The following XAGE3 variants were observed in gnomAD, a reference collection of about 807,000 sequenced individuals.
The protein encoded by XAGE3 is X antigen family member 3, also known as CT12.3.
In XAGE3, 6 loss-of-function variants were observed where a neutral mutation model predicts 9.2. That is an observed-to-expected ratio of 0.65 (90% CI 0.36 to 1.29). The LOEUF is 1.29. Among genes scored for constraint, XAGE3 ranks in the 50% most tolerant of loss-of-function variants. The pLI is 0.03. For missense variants in XAGE3, 70 were observed against 82.8 expected (o/e 0.85, Z 0.60); for synonymous variants, 26 against 28.2 (o/e 0.92, Z 0.25).
Position 52,867,161 on chromosome X carries a change from A to C in XAGE3, c.-8-20T>G. ...TTCACACTGCAAACAGAATACTGTGAATTGGTAAATGCACTTGAAAAGACA... is the reference window on the plus strand; with the variant it reads ...TTCACACTGCAAACAGAATACTGTGCATTGGTAAATGCACTTGAAAAGACA... On this transcript the variant is annotated intron_variant, in intron 1 of 4. Coordinates refer to ENST00000346279, the MANE Select transcript of XAGE3 (RefSeq NM_133179.3). The C allele has an allele frequency of 8.7e-7, 1 of 1,149,339 alleles. No individual in the cohort carries two copies. The allele number at this position is 1,149,339 out of a possible 1,213,427, so 94.7% of individuals were successfully genotyped here.
chrX:52,864,705 A>G, intron 4 of XAGE3, 70 bp downstream of exon 4: 1 of 1,169,219 alleles, frequency 8.6e-7, no homozygotes, highest in South Asian at 1.8e-5. Flanking sequence ...AAGGGATAGT[A>G]ATGTTCTCTT....
rs782740780 is a variant in XAGE3, at chrX:52,866,551, G to A, written c.82-13C>T. On this transcript the variant is annotated splice_polypyrimidine_tract_variant and intron_variant, in intron 2 of 4. Coordinates refer to ENST00000346279, the MANE Select transcript of XAGE3 (RefSeq NM_133179.3). Reference sequence around the variant, plus strand: ...CATCACCGGGCTCCTGGAACCAGGGGTGTGTGTGTGTGTGTGTGTGTGTGC... The same window carrying A: ...CATCACCGGGCTCCTGGAACCAGGGATGTGTGTGTGTGTGTGTGTGTGTGC... 3.0e-6 allele frequency: 2 copies of A among 673,653 alleles called. No homozygotes were observed. Among genetic ancestry groups the A allele is most frequent in the Non-Finnish European group, 3.9e-6 (2 of 510,041 alleles). The allele number at this position is 673,653 out of a possible 1,213,427, so 55.5% of individuals were successfully genotyped here.
chrX:52,864,486 T>C (rs1218375875), intron 4 of XAGE3, among the ~76,000 whole-genome samples: 1 of 112,540 alleles, frequency 8.9e-6, no homozygotes, highest in Non-Finnish European at 1.9e-5. Flanking sequence ...AAATGCATTA[T>C]GTATTTGTTA....
At position 52,864,891 on chromosome X, in the gene XAGE3, A is replaced by C. The variant is rs781869181; in HGVS notation, c.197T>G (p.Leu66Arg). 6 of 1,210,953 alleles carry C rather than the reference A, an allele frequency of 5.0e-6. No homozygotes were observed. The highest frequency in any genetic ancestry group is 6.7e-6 in the Non-Finnish European group (6 of 895,151). ...QGAAETQVPDLEADLQELSQS... is the reference protein window; with the variant it reads ...QGAAETQVPDREADLQELSQS... ...AGACAGCTCCTGGAGATCAGCTTCCAGGTCAGGCACTAAAAAATACAAAGG... is the reference window on the plus strand; with the variant it reads ...AGACAGCTCCTGGAGATCAGCTTCCCGGTCAGGCACTAAAAAATACAAAGG... Residue 66 changes from leucine to arginine, a missense_variant, in exon 4 of 5, where the codon CTG (leucine) becomes CGG (arginine). Leu to Arg is a moderately radical substitution (Grantham distance 102, BLOSUM62 -2). Transcript: ENST00000346279.
rs376187592 is a variant in XAGE3 at position 52,866,086 on chromosome X, T to C, written c.187+347A>G. 3.1e-3 allele frequency among the ~76,000 whole-genome samples: 342 copies of C among 111,742 alleles called. 5 individuals carry two copies. Among genetic ancestry groups the C allele is most frequent in the South Asian group, 0.016 (44 of 2,680 alleles). On this transcript the variant is annotated intron_variant, in intron 3 of 4. Transcript: ENST00000346279. ...ACATGCTATTAAAGGGTGCATACAA[T>C]ACTGTGGACACCTTGGCTGAGAAGA... is the stretch of plus-strand genomic sequence containing the variant.
chrX:52,866,388 C>T, intron 3 of XAGE3, 45 bp downstream of exon 3: 1 of 1,109,281 alleles, frequency 9.0e-7, no homozygotes, highest in Non-Finnish European at 1.2e-6. Flanking sequence ...CACACATAGG[C>T]CTCCTCCCCT....
intron 4 of XAGE3, among the ~76,000 whole-genome samples, chrX:52,864,563 T>C (rs1400567553): frequency 8.9e-6 from 1 of 112,252 alleles, no homozygotes; most frequent in Non-Finnish European, 1.9e-5. Context: ...AAGAATATGC[T>C]TTCATATTTG....
At chrX:52,863,307 T>C (rs1296137009) in intron 4 of XAGE3, among the ~76,000 whole-genome samples, 1 of 112,070 alleles carries the variant, frequency 8.9e-6, no homozygotes, top group Non-Finnish European at 1.9e-5. Flanking sequence ...AGTATTCCCA[T>C]TGGTAAAATA....
chrX:52,867,282 T>A (rs1459707806), intron 1 of XAGE3, 141 bp from the exon 2 acceptor site: 2 of 506,637 alleles, frequency 3.9e-6, no homozygotes, highest in African/African-American at 4.8e-5. Context: ...AGTGTAAGTA[T>A]GTGTGCCTTC....
Position 52,862,605 on chromosome X carries a change from A to C in XAGE3, c.*13T>G, listed in dbSNP as rs782575405. The C allele has an allele frequency of 3.3e-6, 4 of 1,209,742 alleles. No individual in the cohort carries two copies. The highest frequency in any genetic ancestry group is 1.7e-5 in the African/African-American group (1 of 57,689). Reference sequence around the variant, plus strand: ...GATAAAAACAGTTTTGTGTTGTTTCAGCTTGTCTTCATTTAAACCTGTGGT... The same window carrying C: ...GATAAAAACAGTTTTGTGTTGTTTCCGCTTGTCTTCATTTAAACCTGTGGT... On this transcript the variant is annotated 3_prime_UTR_variant, in exon 5 of 5. Transcript: ENST00000346279.
chrX:52,864,182 C>T (rs1242446501), intron 4 of XAGE3, among the ~76,000 whole-genome samples: 1 of 112,209 alleles, frequency 8.9e-6, no homozygotes, highest in African/African-American at 3.2e-5. Flanking sequence ...AAGCAAGTTG[C>T]CCACTCATTT....
chrX:52,862,556 G>T lies in XAGE3; in HGVS notation c.*62C>A, dbSNP rs1280034185. The T allele has an allele frequency of 1.7e-6, 2 of 1,182,500 alleles. No individual in the cohort carries two copies. The highest frequency in any genetic ancestry group is 3.0e-5 in the East Asian group (1 of 33,616). On this transcript the variant is annotated 3_prime_UTR_variant, in exon 5 of 5. Coordinates refer to ENST00000346279, the MANE Select transcript of XAGE3 (RefSeq NM_133179.3). ...GGAGAAAGCTGCAAAAGTTTATTTC[G>T]ATATTTTTAAGTCAAATATCTTAGA...
chrX:52,864,027 A>G (rs1556784083), intron 4 of XAGE3, among the ~76,000 whole-genome samples: 4 of 112,173 alleles, frequency 3.6e-5, no homozygotes, highest in Non-Finnish European at 3.8e-5. Context: ...TTTCATGTAA[A>G]TAGTCTAATG....
rs373364840 is a variant in XAGE3 at position 52,864,833 on chromosome X, A to T, written c.255T>A (p.Gly85=). 7.4e-6 allele frequency: 9 copies of T among 1,211,514 alleles called. No individual in the cohort carries two copies. The highest frequency in any genetic ancestry group is 8.9e-6 in the Non-Finnish European group (8 of 895,080). Residue 85 remains glycine, a synonymous_variant, in exon 4 of 5, where the codon GGT becomes GGA. Coordinates refer to ENST00000346279, the MANE Select transcript of XAGE3 (RefSeq NM_133179.3). ...GCAGAATCTTCCCCTGGTCATCAGGACCATTTCCACATTCACCCCCAGTCT... is the reference window on the plus strand; with the variant it reads ...GCAGAATCTTCCCCTGGTCATCAGGTCCATTTCCACATTCACCCCCAGTCT... ...QSKTGGECGN[G]PDDQGKILPK...
chrX:52,867,182 A>T, intron 1 of XAGE3, 41 bp from the exon 2 acceptor site: 1 of 1,093,908 alleles, frequency 9.1e-7, no homozygotes, highest in African/African-American at 1.8e-5. Context: ...GCACTTGAAA[A>T]GACAGCTATA....
At chrX:52,865,236 A>G (rs1219074731) in intron 3 of XAGE3, among the ~76,000 whole-genome samples, 2 of 111,837 alleles carry the variant, frequency 1.8e-5, no homozygotes, top group African/African-American at 6.5e-5. Context: ...TTAGATGAAT[A>G]TATTGGTGAG....
At position 52,866,550 on chromosome X, in the gene XAGE3, GGTGTGTGTGTGT is replaced by G; in HGVS notation, c.82-24_82-13del. The G allele has an allele frequency of 8.7e-7, 1 of 1,148,477 alleles. No individual in the cohort carries two copies. The highest frequency in any genetic ancestry group is 1.8e-5 in the South Asian group (1 of 54,378). 94.6% of individuals were successfully genotyped at this position (1,148,477 alleles called of 1,213,427 possible). Reference sequence around the variant, plus strand: ...TCATCACCGGGCTCCTGGAACCAGGGGTGTGTGTGTGTGTGTGTGTGTGTGCAGATAAAAAGT... The same window carrying G: ...TCATCACCGGGCTCCTGGAACCAGGGGTGTGTGTGTGTGCAGATAAAAAGT... On this transcript the variant is annotated splice_polypyrimidine_tract_variant and intron_variant, in intron 2 of 4. Transcript: ENST00000346279.
chrX:52,867,400 C>G, intron 1 of XAGE3: 1 of 299,660 alleles, frequency 3.3e-6, no homozygotes, highest in East Asian at 5.5e-5. Context: ...CAACTGAACT[C>G]TCCTCCGTGG....
chrX:52,866,356 G>T, intron 3 of XAGE3, 77 bp downstream of exon 3: 2 of 986,328 alleles, frequency 2.0e-6, no homozygotes, highest in Non-Finnish European at 2.9e-6. Flanking sequence ...TCCTGTTACT[G>T]GTCATGGCAT....
Sources: gnomAD v4.1 joint callset for allele counts (sites outside exome capture counted in the v4.1 genomes callset) on GRCh38, gnomAD v4.1.1 for gene constraint, MANE v1.5 for transcripts, NCBI Gene and HGNC (gene_info 2026-07-23, HGNC 2026-07-21) for gene names.